PREX1: variants seen among roughly 807,000 people sequenced by gnomAD.
The protein encoded by PREX1 is phosphatidylinositol 3,4,5-trisphosphate-dependent Rac exchanger 1 protein.
PREX1 carries 41 observed loss-of-function variants against 198.3 expected under a neutral mutation model. The observed-to-expected ratio is 0.21, with a 90% CI of 0.16 to 0.27. PREX1 has a LOEUF of 0.27. Ranked by LOEUF, PREX1 falls within the 10% of genes least tolerant of loss-of-function variation. PREX1 has a pLI of 1.00. For synonymous variants in PREX1, 843 were observed against 887.2 expected (o/e 0.95, Z 0.89); for missense variants, 1,620 against 2,200.7 (o/e 0.74, Z 5.28).
intron 6 of PREX1, among the ~76,000 whole-genome samples, chr20:48,702,102 G>A (rs1270988169): frequency 2.0e-5 from 3 of 151,972 alleles, no homozygotes; most frequent in Non-Finnish European, 2.9e-5. Context: ...CCAGCTACTC[G>A]GGAGGCTGAG....
intron 2 of PREX1, 81 bp downstream of exon 2, chr20:48,747,728 C>A (rs918013349): frequency 4.7e-5 from 68 of 1,438,236 alleles, no homozygotes; most frequent in Non-Finnish European, 6.4e-5. Context: ...TGCATGCACA[C>A]CCTCTGAGCA....
chr20:48,658,006 A>C (rs2089558544), intron 17 of PREX1, 130 bp downstream of exon 17: 1 of 907,108 alleles, frequency 1.1e-6, no homozygotes, highest in Admixed American at 2.3e-5. Context: ...TCTCCACGTG[A>C]GCAATGAGAG....
chr20:48,801,073 A>G (rs1272381725), intron 1 of PREX1, among the ~76,000 whole-genome samples: 44 of 152,338 alleles, frequency 2.9e-4, no homozygotes, highest in African/African-American at 1.1e-3. Context: ...GGGGATAATA[A>G]GAATCCTTCC....
At chr20:48,808,758 C>T (rs771952784) in intron 1 of PREX1, among the ~76,000 whole-genome samples, 27 of 152,244 alleles carry the variant, frequency 1.8e-4, no homozygotes, top group Non-Finnish European at 3.7e-4. Flanking sequence ...GACTTGACCT[C>T]CCATTGCTCT....
At chr20:48,810,752 T>C (rs186610551) in intron 1 of PREX1, among the ~76,000 whole-genome samples, 9 of 151,580 alleles carry the variant, frequency 5.9e-5, no homozygotes, top group Admixed American at 1.3e-4. Context: ...CCAGGCATGG[T>C]GGTGCACACC....
intron 31 of PREX1, 56 bp downstream of exon 31, chr20:48,637,655 C>G: frequency 6.6e-7 from 1 of 1,520,184 alleles, no homozygotes; most frequent in Non-Finnish European, 8.9e-7. Flanking sequence ...GATGGTCGGC[C>G]TTGGGTGGTG....
rs747385756 is a variant in PREX1 at position 48,716,366 on chromosome 20, G to A, written c.622-7945C>T. On this transcript the variant is annotated intron_variant, in intron 5 of 39. Transcript: ENST00000371941. The stretch of plus-strand genomic sequence containing the variant: ...TGCCCGCTCTGAGCAGCCCCTTCAT[G>A]TCCCCAAAACTGTGTCATCAGCTCC... Among the ~76,000 whole-genome samples the A allele has an allele frequency of 1.4e-4, 21 of 152,196 alleles. 1 individual carries two copies. The highest frequency in any genetic ancestry group is 1.5e-5 in the Non-Finnish European group (1 of 68,020).
chr20:48,747,167 C>T (rs1441655948), intron 2 of PREX1, among the ~76,000 whole-genome samples: 3 of 152,164 alleles, frequency 2.0e-5, no homozygotes, highest in East Asian at 1.9e-4. Context: ...CTTCTATGAC[C>T]GAGTCCTTTG....
intron 1 of PREX1, among the ~76,000 whole-genome samples, chr20:48,758,469 C>T (rs2090164649): frequency 6.6e-6 from 1 of 152,192 alleles, no homozygotes. Flanking sequence ...CCCCCCCGAG[C>T]TTGGGGGGGT....
chr20:48,660,129 T>C, intron 15 of PREX1, 68 bp from the exon 16 acceptor site: 6 of 1,591,952 alleles, frequency 3.8e-6, no homozygotes, highest in Non-Finnish European at 4.3e-6. Flanking sequence ...GTTTGCCAAC[T>C]GGCAGGCACA....
chr20:48,847,363 A>T, the PREX1 span, among the ~76,000 whole-genome samples: 2 of 130,016 alleles, frequency 1.5e-5, no homozygotes, highest in African/African-American at 2.8e-5. Context: ...TCCTTCTCTT[A>T]TAAAAAAAAA....
upstream of PREX1, among the ~76,000 whole-genome samples, chr20:48,832,583 GAGA>G (rs1356472093): frequency 1.3e-5 from 2 of 152,152 alleles, no homozygotes; most frequent in East Asian, 1.9e-4. Flanking sequence ...GCAGCTGTCT[GAGA>G]AGAAGAGGGA....
chr20:48,639,563 C>G (rs4072967), intron 30 of PREX1, among the ~76,000 whole-genome samples: 1,754 of 152,162 alleles, frequency 0.012, 35 homozygotes, highest in African/African-American at 0.041. Context: ...CACTATGTTG[C>G]CCAGGTCTCA....
intron 16 of PREX1, 128 bp from the exon 17 acceptor site, chr20:48,658,356 C>T (rs926625529): frequency 6.9e-6 from 6 of 870,118 alleles, no homozygotes; most frequent in African/African-American, 3.4e-5. Context: ...TCCAGGTGGG[C>T]GAGACAGAGC....
At chr20:48,859,164 G>C in the PREX1 span, among the ~76,000 whole-genome samples, 1 of 152,114 alleles carries the variant, frequency 6.6e-6, no homozygotes, top group South Asian at 2.1e-4. Context: ...AACTCCCAAA[G>C]TGCTAGGATT....
intron 4 of PREX1, among the ~76,000 whole-genome samples, chr20:48,729,642 T>C (rs1418368827): frequency 6.6e-6 from 1 of 152,172 alleles, no homozygotes; most frequent in Non-Finnish European, 1.5e-5. Flanking sequence ...CTCTCGTTCA[T>C]TTATATCCAA....
chr20:48,664,966 G>A (rs186383152), intron 15 of PREX1, among the ~76,000 whole-genome samples: 3 of 148,170 alleles, frequency 2.0e-5, no homozygotes, highest in East Asian at 2.0e-4. Context: ...GACTCCAGAC[G>A]GCCTGAATTC....
the PREX1 span, among the ~76,000 whole-genome samples, chr20:48,840,147 T>C: frequency 1.2e-4 from 19 of 152,088 alleles, no homozygotes; most frequent in Non-Finnish European, 2.9e-5. Context: ...CCCAAGTAAC[T>C]GTGACTACAG....
At chr20:48,658,693 G>C (rs548604023) in intron 16 of PREX1, among the ~76,000 whole-genome samples, 130 of 152,318 alleles carry the variant, frequency 8.5e-4, no homozygotes, top group South Asian at 5.2e-3. Context: ...TAGTGCGGGA[G>C]GCCAACTATA....
Sources: gnomAD v4.1 joint callset for allele counts (sites outside exome capture counted in the v4.1 genomes callset) on GRCh38, gnomAD v4.1.1 for gene constraint, MANE v1.5 for transcripts, NCBI Gene and HGNC (gene_info 2026-07-23, HGNC 2026-07-21) for gene names.